The following CEP120 variants were observed in gnomAD, a reference collection of about 807,000 sequenced individuals.
CEP120 encodes centrosomal protein of 120 kDa.
In CEP120, 113 loss-of-function variants were observed where a neutral mutation model predicts 126.5. That is an observed-to-expected ratio of 0.89 (90% CI 0.77 to 1.04). The LOEUF (loss-of-function observed/expected upper bound fraction) is 1.04, where lower values mean the gene tolerates loss of function less well. CEP120 is among the 50% of genes least tolerant of loss of function. The pLI, the probability that CEP120 is intolerant of heterozygous loss-of-function variation, is 0.00. For missense variants in CEP120, 1,230 were observed against 1,155.7 expected, an observed-to-expected ratio of 1.06 and a Z score of -0.93; for synonymous variants, 400 against 394.3, an observed-to-expected ratio of 1.01 and a Z score of -0.17.
intron 11 of CEP120, 104 bp from the exon 12 acceptor site, chr5:123,383,186 C>T (rs1269130453): frequency 3.1e-6 from 2 of 649,320 alleles, no homozygotes; most frequent in African/African-American, 3.7e-5. Context: ...GCAACATTTT[C>T]TGCTCCTAAC....
At chr5:123,401,855 C>T (rs779703342) in intron 4 of CEP120, 91 of 1,535,388 alleles carry the variant, frequency 5.9e-5, no homozygotes, top group African/African-American at 8.2e-5. Context: ...TGCCAAGCTC[C>T]GCCTCCAGCT....
At chr5:123,359,101 A>C (rs1338493692) in intron 18 of CEP120, among the ~76,000 whole-genome samples, 3 of 152,076 alleles carry the variant, frequency 2.0e-5, no homozygotes, top group African/African-American at 7.2e-5. Context: ...AAATTAATCA[A>C]ATTAATTACT....
At chr5:123,379,690 A>AT (rs2127041046) in intron 14 of CEP120, among the ~76,000 whole-genome samples, 1 of 151,880 alleles carries the variant, frequency 6.6e-6, no homozygotes, top group South Asian at 2.1e-4. Flanking sequence ...TTACGAGATC[A>AT]TTTATTCTCC....
intron 4 of CEP120, among the ~76,000 whole-genome samples, chr5:123,404,808 A>C (rs963759885): frequency 6.6e-6 from 1 of 152,194 alleles, no homozygotes; most frequent in Non-Finnish European, 1.5e-5. Flanking sequence ...GCATAGTAGA[A>C]TATCAATTGT....
chr5:123,369,434 T>C (rs1339386709), intron 17 of CEP120, among the ~76,000 whole-genome samples: 1 of 152,046 alleles, frequency 6.6e-6, no homozygotes, highest in Non-Finnish European at 1.5e-5. Flanking sequence ...TGTTAACTAC[T>C]ATTATACTAT....
In CEP120 at chr5:123,378,319, A is replaced by C. The variant is rs1386078453; in HGVS notation, c.2196+17T>G. The C allele has an allele frequency of 6.4e-7, 1 of 1,568,820 alleles. No homozygotes were observed. Among genetic ancestry groups the C allele is most frequent in the Non-Finnish European group, 8.6e-7 (1 of 1,157,658 alleles). ...CCCCTCTATGCTGAAAAAAAATACA[A>C]TGGACGAATGACATACCTCTGATTC... On this transcript the variant is annotated intron_variant, in intron 15 of 19. Coordinates refer to ENST00000306467, the MANE Select transcript of CEP120 (RefSeq NM_001375405.1).
In CEP120 at chr5:123,423,135, C is replaced by G. The variant is rs1774833583; in HGVS notation, c.-137G>C. On this transcript the variant is annotated 5_prime_UTR_variant, in exon 1 of 20. Transcript: ENST00000306467. The stretch of plus-strand genomic sequence containing the variant: ...TGATGCCCGGACCCCGCTCCGCAGC[C>G]AGGTCCCACCGCCGTCTGCTGCAGC... 1.4e-6 allele frequency: 1 copy of G among 699,492 alleles called. No homozygotes were observed. The allele number at this position is 699,492 out of a possible 1,614,324, so 43.3% of individuals were successfully genotyped here.
At chr5:123,366,135 C>A (rs1580653667) in intron 17 of CEP120, among the ~76,000 whole-genome samples, 1 of 151,640 alleles carries the variant, frequency 6.6e-6, no homozygotes, top group East Asian at 1.9e-4. Context: ...CATTCCTATC[C>A]CCAAATCAAC....
chr5:123,423,230 C>T lies in CEP120; in HGVS notation c.-232G>A. 1.8e-6 allele frequency: 1 copy of T among 547,956 alleles called. No individual in the cohort carries two copies. The highest frequency in any genetic ancestry group is 2.2e-5 in the South Asian group (1 of 45,310). 33.9% of individuals were successfully genotyped at this position (547,956 alleles called of 1,614,324 possible). ...GTGCCCCGACTCAAGGAAAAAGCCA[C>T]GCTGCAGCCCTGCCAGTCTGCAAGC... On this transcript the variant is annotated 5_prime_UTR_variant, in exon 1 of 20. The change creates a new upstream start codon in the 5' untranslated region. Coordinates refer to ENST00000306467, the MANE Select transcript of CEP120 (RefSeq NM_001375405.1).
intron 18 of CEP120, among the ~76,000 whole-genome samples, chr5:123,355,590 G>A (rs942593068): frequency 3.3e-5 from 5 of 151,846 alleles, no homozygotes; most frequent in Admixed American, 2.0e-4. Context: ...TCTTCTTTTG[G>A]GAAGTGTCTG....
chr5:123,402,774 C>A (rs1773352357), intron 4 of CEP120, among the ~76,000 whole-genome samples: 1 of 152,098 alleles, frequency 6.6e-6, no homozygotes, highest in Non-Finnish European at 1.5e-5. Flanking sequence ...TCAATGTGTC[C>A]CCTCCAAAAC....
intron 8 of CEP120, 59 bp from the exon 9 acceptor site, chr5:123,388,665 T>C (rs561861108): frequency 1.5e-6 from 2 of 1,357,386 alleles, no homozygotes; most frequent in East Asian, 5.0e-5. Context: ...TCTCTTAAAT[T>C]GTACAGATAG....
intron 1 of CEP120, among the ~76,000 whole-genome samples, chr5:123,421,740 G>C (rs915204205): frequency 6.6e-6 from 1 of 152,104 alleles, no homozygotes; most frequent in Non-Finnish European, 1.5e-5. Context: ...TTTCCTCATA[G>C]CATGGTCAGT....
At chr5:123,359,340 C>T (rs2126989941) in intron 18 of CEP120, among the ~76,000 whole-genome samples, 1 of 152,120 alleles carries the variant, frequency 6.6e-6, no homozygotes, top group South Asian at 2.1e-4. Flanking sequence ...CTACAACAAA[C>T]TCATACTTCA....
chr5:123,401,454 C>T (rs1773229585), intron 4 of CEP120: 5 of 1,312,952 alleles, frequency 3.8e-6, no homozygotes, highest in African/African-American at 2.9e-5. Context: ...AGGTTATCCC[C>T]ATGCTTCCCA....
intron 16 of CEP120, among the ~76,000 whole-genome samples, chr5:123,376,973 C>CA (rs1562029440): frequency 1.3e-5 from 2 of 151,954 alleles, no homozygotes; most frequent in Non-Finnish European, 2.9e-5. Flanking sequence ...AGAGAAAATA[C>CA]AAAAACAAGG....
At chr5:123,407,503 GAT>G (rs1773774859) in intron 4 of CEP120, among the ~76,000 whole-genome samples, 1 of 152,196 alleles carries the variant, frequency 6.6e-6, no homozygotes, top group South Asian at 2.1e-4. Flanking sequence ...AATATTACAT[GAT>G]GATAAAGGAG....
chr5:123,358,594 T>G (rs1769829937), intron 18 of CEP120: 1 of 152,122 alleles, frequency 6.6e-6, no homozygotes, highest in South Asian at 2.1e-4. Flanking sequence ...TAGATTACTC[T>G]ATAAAAGTAA....
chr5:123,418,367 A>G lies in CEP120; in HGVS notation c.198T>C (p.His66=). The G allele has an allele frequency of 6.2e-7, 1 of 1,601,674 alleles. No individual in the cohort carries two copies. Among genetic ancestry groups the G allele is most frequent in the Non-Finnish European group, 8.5e-7 (1 of 1,172,862 alleles). The change falls in exon 2 of 20, where the codon CAT becomes CAC. Residue 66 remains histidine (H), a synonymous_variant. Coordinates refer to ENST00000306467, the MANE Select transcript of CEP120 (RefSeq NM_001375405.1). ...ATGAAAATGATAATCACCTGTGCTG[A>G]TGAAGCGCTTTCCTGTCAATTTCCC... The part of the protein sequence containing the change: ...LAWEIDRKAL[H]QHRLQRTPIK...
Sources: allele counts gnomAD v4.1 joint callset (sites outside exome capture counted in the v4.1 genomes callset), GRCh38; gene constraint gnomAD v4.1.1; transcripts MANE v1.5; gene names NCBI Gene and HGNC (gene_info 2026-07-23, HGNC 2026-07-21).